Variants in VAPB observed in about 807,000 individuals in gnomAD.
VAPB encodes the protein VAMP associated protein B and C.
A neutral mutation model predicts 25.6 loss-of-function variants in VAPB; 7 were observed. The ratio of observed to expected loss-of-function variants is 0.27; its 90% CI spans 0.16 to 0.51. The LOEUF is 0.51. VAPB is among the 20% of genes least tolerant of loss of function. VAPB has a pLI of 0.97. For synonymous variants in VAPB, 112 were observed against 109.2 expected (o/e 1.03, Z -0.16); for missense variants, 266 against 301.3 (o/e 0.88, Z 0.87).
intron 3 of VAPB, among the ~76,000 whole-genome samples, chr20:58,437,585 C>G (rs1405027310): frequency 6.6e-6 from 1 of 152,230 alleles, no homozygotes; most frequent in African/African-American, 2.4e-5. Context: ...TGCTCGCCAG[C>G]AGTCTTTCAC....
rs79798773 is a variant in VAPB, at chr20:58,425,575, T to C, written c.211+7212T>C. 4.7e-3 allele frequency among the ~76,000 whole-genome samples: 715 copies of C among 152,126 alleles called. 7 individuals carry two copies. Among genetic ancestry groups the C allele is most frequent in the African/African-American group, 0.016 (673 of 41,480 alleles). On this transcript the variant is annotated intron_variant, in intron 2 of 5. Transcript: ENST00000475243. ...CAGAAGGAGCTTAGGAGTCTTGGAG[T>C]TGACAGTCTCCCAATAAAGTAAGGT...
intron 5 of VAPB, among the ~76,000 whole-genome samples, chr20:58,442,793 C>T (rs921403637): frequency 6.6e-6 from 1 of 152,180 alleles, no homozygotes; most frequent in African/African-American, 2.4e-5. Context: ...GAGATAGCAA[C>T]AAATTGCAGG....
chr20:58,399,300 CAAAA>C (rs917896382), intron 1 of VAPB, among the ~76,000 whole-genome samples: 2 of 120,844 alleles, frequency 1.7e-5, no homozygotes, highest in African/African-American at 6.2e-5. Context: ...AACTCCGTCT[CAAAA>C]AAAAAAAAGA....
chr20:58,441,202 AT>A, intron 5 of VAPB, 119 bp downstream of exon 5: 2 of 1,145,100 alleles, frequency 1.7e-6, no homozygotes, highest in Non-Finnish European at 2.5e-6. Context: ...GTATTTGGCT[AT>A]TTTTTTCTCC....
chr20:58,416,640 CA>C (rs1015702482), intron 1 of VAPB, among the ~76,000 whole-genome samples: 4 of 152,092 alleles, frequency 2.6e-5, no homozygotes, highest in Admixed American at 2.6e-4. Context: ...TTTATGTTTT[CA>C]AAATAAGTCT....
intron 1 of VAPB, among the ~76,000 whole-genome samples, chr20:58,403,954 A>G (rs1386643634): frequency 6.6e-6 from 1 of 152,152 alleles, no homozygotes; most frequent in Non-Finnish European, 1.5e-5. Flanking sequence ...AACCTTTCAC[A>G]TCTACTCAGT....
At chr20:58,409,936 A>AC (rs1988334172) in intron 1 of VAPB, among the ~76,000 whole-genome samples, 1 of 140,866 alleles carries the variant, frequency 7.1e-6, no homozygotes, top group Admixed American at 7.1e-5. Context: ...CACACACACA[A>AC]TACAGATAGA....
chr20:58,415,338 TCACA>T (rs1363986147), intron 1 of VAPB, among the ~76,000 whole-genome samples: 1 of 152,236 alleles, frequency 6.6e-6, no homozygotes, highest in Non-Finnish European at 1.5e-5. Flanking sequence ...TTCAGCAAAC[TCACA>T]CAAATGTTCA....
intron 1 of VAPB, among the ~76,000 whole-genome samples, chr20:58,412,593 T>TAAAAAAAAA (rs1988408820): frequency 2.3e-5 from 2 of 85,190 alleles, no homozygotes; most frequent in African/African-American, 9.3e-5. Flanking sequence ...AAAAAAAAGG[T>TAAAAAAAAA]AAAATTATAT....
chr20:58,449,307 G>C lies in VAPB; in HGVS notation c.*5072G>C. 2.2e-6 allele frequency: 1 copy of C among 449,418 alleles called. No homozygotes were observed. Among genetic ancestry groups the C allele is most frequent in the Non-Finnish European group, 4.4e-6 (1 of 225,664 alleles). 27.8% of individuals were successfully genotyped at this position (449,418 alleles called of 1,614,324 possible). A position where few individuals can be genotyped will look rare whatever the true frequency, so the allele number is the denominator to read the frequency against. On this transcript the variant is annotated 3_prime_UTR_variant, in exon 6 of 6. Transcript: ENST00000475243. Reference sequence around the variant, plus strand: ...GTATCTACGGCACTTAACAATAGGGGCTTTTTATTTTCATTACAGAGATAT... The same window carrying C: ...GTATCTACGGCACTTAACAATAGGGCCTTTTTATTTTCATTACAGAGATAT...
intron 2 of VAPB, among the ~76,000 whole-genome samples, chr20:58,419,433 T>C (rs1476359): frequency 0.17 from 26,247 of 152,176 alleles, 2,382 homozygotes; most frequent in Non-Finnish European, 0.2. Flanking sequence ...CAAGTTATTA[T>C]CTTGAAGTCA....
chr20:58,448,444 C>G lies in VAPB; in HGVS notation c.*4209C>G, dbSNP rs1412995290. 2 of 454,006 alleles carry G rather than the reference C, an allele frequency of 4.4e-6. No individual in the cohort carries two copies. The highest frequency in any genetic ancestry group is 4.7e-5 in the Admixed American group (2 of 42,554). The allele number at this position is 454,006 out of a possible 1,614,324, so 28.1% of individuals were successfully genotyped here. A position where few individuals can be genotyped will look rare whatever the true frequency, so the allele number is the denominator to read the frequency against. Reference sequence around the variant, plus strand: ...ATAGAACATTTCCAATACATTCGCTCATTGAACTTAATCCTTGCAACTGTG... The same window carrying G: ...ATAGAACATTTCCAATACATTCGCTGATTGAACTTAATCCTTGCAACTGTG... On this transcript the variant is annotated 3_prime_UTR_variant, in exon 6 of 6. Coordinates refer to ENST00000475243, the MANE Select transcript of VAPB (RefSeq NM_004738.5).
intron 1 of VAPB, among the ~76,000 whole-genome samples, chr20:58,405,497 C>T (rs901703546): frequency 6.6e-6 from 1 of 152,046 alleles, no homozygotes; most frequent in Admixed American, 6.6e-5. Context: ...GAGTCTTGCT[C>T]TGTCGCCCAG....
chr20:58,389,289 A>G lies in VAPB; in HGVS notation c.-171A>G. 1.5e-6 allele frequency: 1 copy of G among 671,888 alleles called. No individual in the cohort carries two copies. The highest frequency in any genetic ancestry group is 2.6e-6 in the Non-Finnish European group (1 of 382,584). 41.6% of individuals were successfully genotyped at this position (671,888 alleles called of 1,614,324 possible). A position where few individuals can be genotyped will look rare whatever the true frequency, so the allele number is the denominator to read the frequency against. On this transcript the variant is annotated 5_prime_UTR_variant, in exon 1 of 6. Transcript: ENST00000475243. ...CCTCGCCCTCCGCCCCTGCGCCTGCACCGCGTAGACCGACCCCCCCCCAGC... is the reference window on the plus strand; with the variant it reads ...CCTCGCCCTCCGCCCCTGCGCCTGCGCCGCGTAGACCGACCCCCCCCCAGC...
intron 1 of VAPB, among the ~76,000 whole-genome samples, chr20:58,393,594 CAT>C (rs1987865764): frequency 6.6e-6 from 1 of 152,114 alleles, no homozygotes. Context: ...AATAGTATGT[CAT>C]ATATTTTTTG....
chr20:58,413,765 G>A (rs71360928), intron 1 of VAPB, among the ~76,000 whole-genome samples: 1 of 150,914 alleles, frequency 6.6e-6, no homozygotes, highest in African/African-American at 2.4e-5. Flanking sequence ...GCCGCTGGCC[G>A]GGCGGGGGGC....
At chr20:58,433,612 C>G (rs1434051309) in intron 2 of VAPB, among the ~76,000 whole-genome samples, 1 of 152,208 alleles carries the variant, frequency 6.6e-6, no homozygotes, top group African/African-American at 2.4e-5. Context: ...TGGGCAAATT[C>G]ACCTCTCTGT....
At chr20:58,408,401 G>A (rs1007313784) in intron 1 of VAPB, among the ~76,000 whole-genome samples, 1 of 152,116 alleles carries the variant, frequency 6.6e-6, no homozygotes, top group African/African-American at 2.4e-5. Flanking sequence ...TGGAATATTG[G>A]AATATAATGT....
intron 2 of VAPB, among the ~76,000 whole-genome samples, chr20:58,420,953 A>G (rs1600799267): frequency 6.6e-6 from 1 of 152,362 alleles, no homozygotes; most frequent in South Asian, 2.1e-4. Flanking sequence ...ACATGATGAC[A>G]TCTTGGTGAG....
Sources: gnomAD v4.1 joint callset for allele counts (sites outside exome capture counted in the v4.1 genomes callset) on GRCh38, gnomAD v4.1.1 for gene constraint, MANE v1.5 for transcripts, NCBI Gene and HGNC (gene_info 2026-07-23, HGNC 2026-07-21) for gene names.